The following ERBB4 variants were observed in gnomAD, a reference collection of about 807,000 sequenced individuals.
The protein encoded by ERBB4 is erb-b2 receptor tyrosine kinase 4, also known as receptor tyrosine-protein kinase erbB-4.
A neutral mutation model predicts 158.0 loss-of-function variants in ERBB4; 42 were observed. That is an observed-to-expected ratio of 0.27 (90% CI 0.21 to 0.34). The LOEUF (loss-of-function observed/expected upper bound fraction) is 0.34, where lower values mean the gene tolerates loss of function less well. ERBB4 is among the 10% of genes least tolerant of loss of function. ERBB4 has a pLI of 1.00. For missense variants in ERBB4, 1,333 were observed against 1,624.1 expected (o/e 0.82, Z 3.08); for synonymous variants, 583 against 558.7 (o/e 1.04, Z -0.61).
intron 23 of ERBB4, 106 bp from the exon 24 acceptor site, chr2:211,422,210 T>A: frequency 1.4e-6 from 1 of 736,646 alleles, no homozygotes. Flanking sequence ...GTTGTTTTAA[T>A]CGTAATGATC....
intron 1 of ERBB4, among the ~76,000 whole-genome samples, chr2:212,354,434 C>T (rs1357201734): frequency 6.6e-6 from 1 of 152,068 alleles, no homozygotes; most frequent in African/African-American, 2.4e-5. Context: ...TTCTAGATCT[C>T]ATGAGGTGGC....
At chr2:212,460,240 T>C (rs942420886) in intron 1 of ERBB4, among the ~76,000 whole-genome samples, 3 of 152,138 alleles carry the variant, frequency 2.0e-5, no homozygotes. Context: ...TATGTCTTTA[T>C]TAGCAGCATG....
intron 3 of ERBB4, among the ~76,000 whole-genome samples, chr2:211,878,653 TTTTG>T (rs1485283178): frequency 4.1e-5 from 1 of 24,642 alleles, no homozygotes; most frequent in Non-Finnish European, 7.7e-5. Context: ...ACAAATTAAG[TTTTG>T]TTTTTTTTTT....
At chr2:211,720,503 C>T (rs1355182956) in intron 7 of ERBB4, among the ~76,000 whole-genome samples, 1 of 152,124 alleles carries the variant, frequency 6.6e-6, no homozygotes, top group African/African-American at 2.4e-5. Flanking sequence ...GATTTAACGC[C>T]ATGTCTTTTC....
chr2:211,548,303 A>C (rs1029962694), intron 20 of ERBB4, among the ~76,000 whole-genome samples: 9 of 152,062 alleles, frequency 5.9e-5, no homozygotes, highest in African/African-American at 2.2e-4. Flanking sequence ...AACTGATAGA[A>C]AGATCGAGAG....
chr2:211,716,728 A>G lies in ERBB4; in HGVS notation c.884-3080T>C, dbSNP rs1035505143. Among the ~76,000 whole-genome samples the G allele has an allele frequency of 5.9e-5, 9 of 152,270 alleles. No homozygotes were observed. The South Asian group carries it at 1.9e-3, about 32-fold the overall frequency. On this transcript the variant is annotated intron_variant, in intron 7 of 27. Transcript: ENST00000342788. ...AACAAAACAAAAAAAAACAAAAAAA[A>G]AAGAAGAAGCTTAATGTCCTTGTTT...
At chr2:211,458,603 A>C (rs1455121704) in intron 20 of ERBB4, among the ~76,000 whole-genome samples, 2 of 152,226 alleles carry the variant, frequency 1.3e-5, no homozygotes, top group East Asian at 3.9e-4. Context: ...CCCTTCAAAA[A>C]ACCTTTTCTG....
chr2:212,307,334 T>C (rs1165025557), intron 1 of ERBB4, among the ~76,000 whole-genome samples: 3 of 149,808 alleles, frequency 2.0e-5, no homozygotes, highest in African/African-American at 7.3e-5. Context: ...TATTAGTTCT[T>C]GGATCCCCAG....
At chr2:212,350,675 A>C (rs2089213393) in intron 1 of ERBB4, among the ~76,000 whole-genome samples, 1 of 152,136 alleles carries the variant, frequency 6.6e-6, no homozygotes, top group African/African-American at 2.4e-5. Context: ...AAACACAAAT[A>C]TTTATGTCAT....
intron 10 of ERBB4, among the ~76,000 whole-genome samples, 174 bp from the exon 11 acceptor site, chr2:211,704,368 C>T (rs1406490172): frequency 1.3e-5 from 2 of 152,116 alleles, no homozygotes; most frequent in African/African-American, 2.4e-5. Flanking sequence ...GATTGAGTGT[C>T]CTACCCAATA....
intron 4 of ERBB4, among the ~76,000 whole-genome samples, chr2:211,754,407 CTTTT>C (rs59474280): frequency 7.2e-6 from 1 of 138,042 alleles, no homozygotes; most frequent in Admixed American, 7.3e-5. Context: ...GCAATAATCC[CTTTT>C]TTTTTTTTGA....
intron 1 of ERBB4, among the ~76,000 whole-genome samples, chr2:212,506,894 A>T (rs1308908938): frequency 6.6e-6 from 1 of 152,240 alleles, no homozygotes; most frequent in Non-Finnish European, 1.5e-5. Flanking sequence ...ACTAAACAAC[A>T]GATTTTCCAT....
At chr2:212,189,091 G>A (rs1488168972) in intron 1 of ERBB4, among the ~76,000 whole-genome samples, 1 of 133,040 alleles carries the variant, frequency 7.5e-6, no homozygotes, top group African/African-American at 2.7e-5. Context: ...TTGGGGGGGG[G>A]GGTGATTTTT....
At chr2:212,085,062 C>T (rs2078562384) in intron 2 of ERBB4, among the ~76,000 whole-genome samples, 1 of 151,806 alleles carries the variant, frequency 6.6e-6, no homozygotes, top group Non-Finnish European at 1.5e-5. Context: ...ACAAAATAAA[C>T]ATGCATTTTC....
chr2:211,882,318 T>C (rs974344897), intron 3 of ERBB4, among the ~76,000 whole-genome samples: 4 of 152,192 alleles, frequency 2.6e-5, no homozygotes, highest in Admixed American at 2.6e-4. Context: ...AAATGGCTGG[T>C]ATCATTGTTT....
intron 3 of ERBB4, among the ~76,000 whole-genome samples, chr2:211,788,887 T>C (rs1040918303): frequency 2.6e-5 from 4 of 152,118 alleles, no homozygotes; most frequent in African/African-American, 9.7e-5. Flanking sequence ...CACAAAGCAA[T>C]GTATAACAAA....
At chr2:212,080,981 A>G (rs919522039) in intron 2 of ERBB4, among the ~76,000 whole-genome samples, 2 of 152,176 alleles carry the variant, frequency 1.3e-5, no homozygotes, top group African/African-American at 4.8e-5. Flanking sequence ...CTTCATAGAG[A>G]GCACGCTGTC....
At chr2:212,026,652 T>C (rs2076778916) in intron 2 of ERBB4, among the ~76,000 whole-genome samples, 2 of 151,894 alleles carry the variant, frequency 1.3e-5, no homozygotes, top group Non-Finnish European at 2.9e-5. Context: ...CAAAATGGAA[T>C]ATGAATCTCC....
intron 1 of ERBB4, among the ~76,000 whole-genome samples, chr2:212,126,818 G>T (rs1011376173): frequency 6.6e-6 from 1 of 152,112 alleles, no homozygotes; most frequent in Non-Finnish European, 1.5e-5. Context: ...ATGAGTTCCT[G>T]CAGAGGAAGG....
Sources: gnomAD v4.1 joint callset for allele counts (sites outside exome capture counted in the v4.1 genomes callset) on GRCh38, gnomAD v4.1.1 for gene constraint, MANE v1.5 for transcripts, NCBI Gene and HGNC (gene_info 2026-07-23, HGNC 2026-07-21) for gene names.